Variants in DENND10 observed in about 807,000 individuals in gnomAD.
DENND10 encodes DENN domain containing 10.
In DENND10, 24 loss-of-function variants were observed where a neutral mutation model predicts 43.6. That is an observed-to-expected ratio of 0.55 (90% CI 0.40 to 0.77). The LOEUF (loss-of-function observed/expected upper bound fraction) is 0.77. DENND10 is among the 30% of genes least tolerant of loss of function. DENND10 has a pLI of 0.00. For synonymous variants in DENND10, 125 were observed against 157.6 expected, an observed-to-expected ratio of 0.79 and a Z score of 1.55; for missense variants, 303 against 429.9, an observed-to-expected ratio of 0.70 and a Z score of 2.61.
chr10:119,130,014 T>C (rs1846010512), intron 7 of DENND10, among the ~76,000 whole-genome samples: 2 of 134,300 alleles, frequency 1.5e-5, no homozygotes, highest in Admixed American at 1.5e-4. Flanking sequence ...TTTCTTCTTC[T>C]TTTTTTTTTT....
At chr10:119,104,739 T>C (rs1311993785) in intron 1 of DENND10, 1 of 152,132 alleles carries the variant, frequency 6.6e-6, no homozygotes, top group Non-Finnish European at 1.5e-5. Context: ...GTGCTGCGCG[T>C]TGTACACACA....
At chr10:119,119,455 T>C (rs1418362122) in intron 4 of DENND10, among the ~76,000 whole-genome samples, 1 of 151,944 alleles carries the variant, frequency 6.6e-6, no homozygotes, top group Non-Finnish European at 1.5e-5. Flanking sequence ...TTTTGTATTT[T>C]TGGTAGAGAT....
chr10:119,104,323 C>CATG, intron 1 of DENND10, 126 bp downstream of exon 1: 1 of 861,384 alleles, frequency 1.2e-6, no homozygotes, highest in Non-Finnish European at 1.7e-6. Flanking sequence ...GCGGCCCCCT[C>CATG]CCTGTTGGGC....
intron 2 of DENND10, among the ~76,000 whole-genome samples, chr10:119,108,780 G>A (rs1844827369): frequency 2.7e-5 from 4 of 150,694 alleles, no homozygotes; most frequent in Admixed American, 2.6e-4. Context: ...TCAGCCTCCC[G>A]AGTAGCTGGG....
intron 1 of DENND10, among the ~76,000 whole-genome samples, chr10:119,106,628 ATGC>A (rs1346095651): frequency 6.6e-6 from 1 of 152,210 alleles, no homozygotes; most frequent in Non-Finnish European, 1.5e-5. Context: ...ATGAGCCATT[ATGC>A]TTGGCCTAAA....
At position 119,116,032 on chromosome 10, in the gene DENND10, G is replaced by A. The variant is rs139518901; in HGVS notation, c.333-1487G>A. On this transcript the variant is annotated intron_variant, in intron 3 of 8. Coordinates refer to ENST00000361432, the MANE Select transcript of DENND10 (RefSeq NM_207009.4). ...GCCCACCTTGGCCTCCCAAAGTGCC[G>A]TGATTACAGGCATGAGTCACTGTGC... 8.6e-3 allele frequency among the ~76,000 whole-genome samples: 1,303 copies of A among 152,228 alleles called. 88 individuals carry two copies. The East Asian group carries it at 0.17, about 20-fold the overall frequency.
At chr10:119,128,983 C>T (rs1845959058) in intron 6 of DENND10, among the ~76,000 whole-genome samples, 1 of 152,096 alleles carries the variant, frequency 6.6e-6, no homozygotes, top group South Asian at 2.1e-4. Context: ...AACACAGATC[C>T]AAACCATATC....
rs1470472993 is a variant in DENND10, at chr10:119,137,254, G to C, written c.*607G>C. The stretch of plus-strand genomic sequence containing the variant: ...AGAGTTTTGCATATATTTTATACTT[G>C]AGTAGACAACTTTAATAATCCATAT... On this transcript the variant is annotated 3_prime_UTR_variant, in exon 9 of 9. Transcript: ENST00000361432. 1 of 155,784 alleles carries C rather than the reference G, an allele frequency of 6.4e-6. No homozygotes were observed. Among genetic ancestry groups the C allele is most frequent in the African/African-American group, 2.6e-5 (1 of 37,904 alleles). 9.7% of individuals were successfully genotyped at this position (155,784 alleles called of 1,614,324 possible).
chr10:119,123,223 C>T (rs574082750), intron 5 of DENND10, among the ~76,000 whole-genome samples: 19 of 152,238 alleles, frequency 1.2e-4, no homozygotes, highest in African/African-American at 3.4e-4. Flanking sequence ...GAGCCAAAAT[C>T]GCGCCATTGC....
In DENND10 at chr10:119,132,809, G is replaced by A; in HGVS notation, c.897+200G>A. The A allele has an allele frequency of 1.0e-5, 6 of 587,530 alleles. No homozygotes were observed. The highest frequency in any genetic ancestry group is 4.0e-5 in the South Asian group (2 of 49,616). 36.4% of individuals were successfully genotyped at this position (587,530 alleles called of 1,614,324 possible). Reference sequence around the variant, plus strand: ...CCTGATCTAGTTAGTTACTGGGCTCGAGGGCAGGTATACACAGGGGCTGGT... The same window carrying A: ...CCTGATCTAGTTAGTTACTGGGCTCAAGGGCAGGTATACACAGGGGCTGGT... On this transcript the variant is annotated intron_variant, in intron 8 of 8. Coordinates refer to ENST00000361432, the MANE Select transcript of DENND10 (RefSeq NM_207009.4). This position sits in a 1 kb window ranked among gnomAD's most constrained non-coding sequence, Gnocchi z 4.2.
Position 119,117,531 on chromosome 10 carries a change from A to G in DENND10, c.345A>G (p.Lys115=). 3 of 1,612,994 alleles carry G rather than the reference A, an allele frequency of 1.9e-6. No individual in the cohort carries two copies. The highest frequency in any genetic ancestry group is 2.5e-6 in the Non-Finnish European group (3 of 1,179,496). ...FTRILCRMYL[K]HGSPVKMMES... is the part of the protein sequence containing the mutation. The stretch of plus-strand genomic sequence containing the variant: ...TCCTTTCTTACAGAATGTACCTGAA[A>G]CATGGGAGCCCAGTTAAAATGATGG... The change falls in exon 4 of 9, where the codon AAA becomes AAG. Residue 115 remains lysine (K), a synonymous_variant. Transcript: ENST00000361432.
chr10:119,104,365 T>C (rs966911166), intron 1 of DENND10, among the ~76,000 whole-genome samples, 168 bp downstream of exon 1: 81 of 151,308 alleles, frequency 5.4e-4, no homozygotes, highest in Non-Finnish European at 1.1e-3. Flanking sequence ...CCGGCCTCCT[T>C]GGTGCAGGGG....
chr10:119,133,498 A>T (rs1264828443), intron 8 of DENND10: 1 of 152,238 alleles, frequency 6.6e-6, no homozygotes, highest in Non-Finnish European at 1.5e-5. Context: ...GTGGGGATGC[A>T]GTGGTGAGCA....
intron 5 of DENND10, among the ~76,000 whole-genome samples, chr10:119,122,431 T>C (rs981090014): frequency 3.9e-5 from 6 of 152,218 alleles, no homozygotes; most frequent in African/African-American, 1.2e-4. Flanking sequence ...ATGCTTAACA[T>C]GTACCTAGCC....
At chr10:119,130,175 T>A (rs1003705063) in intron 7 of DENND10, among the ~76,000 whole-genome samples, 4 of 152,018 alleles carry the variant, frequency 2.6e-5, no homozygotes, top group Non-Finnish European at 4.4e-5. Flanking sequence ...CAGCTAATTT[T>A]TTTTTTTTTG....
chr10:119,130,197 T>A (rs953720343), intron 7 of DENND10, among the ~76,000 whole-genome samples: 2 of 150,922 alleles, frequency 1.3e-5, no homozygotes, highest in African/African-American at 4.9e-5. Flanking sequence ...GATGGAGTCT[T>A]ATGCCCAGGC....
At chr10:119,117,346 C>T (rs1341209563) in intron 3 of DENND10, among the ~76,000 whole-genome samples, 173 bp from the exon 4 acceptor site, 13 of 151,664 alleles carry the variant, frequency 8.6e-5, no homozygotes, top group African/African-American at 2.2e-4. Context: ...CACTCCAGCC[C>T]GGGCGACAGA....
At chr10:119,110,093 G>A (rs765366549) in intron 2 of DENND10, among the ~76,000 whole-genome samples, 7 of 152,088 alleles carry the variant, frequency 4.6e-5, no homozygotes, top group African/African-American at 1.7e-4. Context: ...ATTAACAGGC[G>A]CGAGCCACCG....
chr10:119,118,672 C>CT (rs998497504), intron 4 of DENND10, among the ~76,000 whole-genome samples: 30 of 149,032 alleles, frequency 2.0e-4, no homozygotes, highest in East Asian at 1.6e-3. Flanking sequence ...AGTTAATAGA[C>CT]TTTTTTTTTT....
Sources: allele counts gnomAD v4.1 joint callset (sites outside exome capture counted in the v4.1 genomes callset), GRCh38; gene constraint gnomAD v4.1.1; non-coding constraint Gnocchi (gnomAD v3.1); transcripts MANE v1.5; gene names NCBI Gene and HGNC (gene_info 2026-07-23, HGNC 2026-07-21).